The following ANK3 variants were observed in gnomAD, a reference collection of about 807,000 sequenced individuals.
ANK3 encodes ankyrin 3, also known as ankyrin-3.
Under a neutral mutation model 370.9 loss-of-function variants are expected in ANK3, and 57 were observed. The ratio of observed to expected loss-of-function variants is 0.15; its 90% confidence interval spans 0.12 to 0.19. The LOEUF is 0.19. ANK3 is among the 10% of genes least tolerant of loss of function. The pLI is 1.00. For synonymous variants in ANK3, 1,929 were observed against 1,946.3 expected (o/e 0.99, Z 0.23); for missense variants, 4,439 against 5,302.1 (o/e 0.84, Z 5.06).
intron 2 of ANK3, among the ~76,000 whole-genome samples, chr10:60,592,876 C>T (rs577112876): frequency 6.6e-6 from 1 of 152,320 alleles, no homozygotes; most frequent in African/African-American, 2.4e-5. Flanking sequence ...GAGCTGTTGA[C>T]TGGCTAAATA....
At chr10:60,612,877 T>A (rs896366338) in intron 2 of ANK3, among the ~76,000 whole-genome samples, 1 of 152,168 alleles carries the variant, frequency 6.6e-6, no homozygotes, top group African/African-American at 2.4e-5. Flanking sequence ...AGAATTTCAG[T>A]AAAGACAGCA....
At chr10:60,193,487 C>G (rs776994192) in intron 16 of ANK3, among the ~76,000 whole-genome samples, 1 of 142,244 alleles carries the variant, frequency 7.0e-6, no homozygotes, top group Non-Finnish European at 1.5e-5. Flanking sequence ...GAAACCCCAT[C>G]TCTACTAAAA....
intron 8 of ANK3, among the ~76,000 whole-genome samples, chr10:60,226,910 A>G (rs957303139): frequency 4.6e-5 from 7 of 151,146 alleles, no homozygotes; most frequent in African/African-American, 1.7e-4. Context: ...CTCACAATAG[A>G]TTGATATTTT....
At chr10:60,714,719 T>A (rs1334820119) in intron 1 of ANK3, among the ~76,000 whole-genome samples, 1 of 152,164 alleles carries the variant, frequency 6.6e-6, no homozygotes, top group Non-Finnish European at 1.5e-5. Context: ...GAGAACTTCC[T>A]CAACTTGATA....
intron 2 of ANK3, among the ~76,000 whole-genome samples, chr10:60,399,920 G>C (rs1262114591): frequency 6.6e-6 from 1 of 152,072 alleles, no homozygotes; most frequent in Non-Finnish European, 1.5e-5. Flanking sequence ...GCATTACCGA[G>C]TGTCCGTTGC....
intron 2 of ANK3, among the ~76,000 whole-genome samples, chr10:60,481,195 T>TA (rs1360832956): frequency 1.3e-5 from 2 of 152,198 alleles, no homozygotes; most frequent in Non-Finnish European, 2.9e-5. Flanking sequence ...TGTCAAACAG[T>TA]AGCAAGGAGT....
At chr10:60,574,201 A>T (rs1016168875) in intron 2 of ANK3, among the ~76,000 whole-genome samples, 1 of 152,112 alleles carries the variant, frequency 6.6e-6, no homozygotes, top group Non-Finnish European at 1.5e-5. Context: ...CCTACACCTG[A>T]AACACCAGTC....
intron 1 of ANK3, among the ~76,000 whole-genome samples, chr10:60,624,991 G>A (rs866840940): frequency 6.6e-6 from 1 of 151,918 alleles, no homozygotes; most frequent in African/African-American, 2.4e-5. Context: ...CCAATACCCC[G>A]CTTGAGAGGT....
At chr10:60,227,904 G>T (rs1295618292) in intron 8 of ANK3, among the ~76,000 whole-genome samples, 2 of 151,958 alleles carry the variant, frequency 1.3e-5, no homozygotes, top group Non-Finnish European at 2.9e-5. Flanking sequence ...TTGACTGTCG[G>T]TCATATTTTC....
chr10:60,592,003 A>G (rs1218692767), intron 2 of ANK3, among the ~76,000 whole-genome samples: 1 of 152,200 alleles, frequency 6.6e-6, no homozygotes, highest in Non-Finnish European at 1.5e-5. Flanking sequence ...AATAAGACCT[A>G]CTATTTGATA....
chr10:60,225,939 TTAAAA>T (rs1053297128), intron 8 of ANK3, among the ~76,000 whole-genome samples: 1 of 150,024 alleles, frequency 6.7e-6, no homozygotes, highest in Non-Finnish European at 1.5e-5. Context: ...GTTTTATAAA[TTAAAA>T]TGTGTATCTT....
intron 17 of ANK3, among the ~76,000 whole-genome samples, chr10:60,183,156 C>T (rs1236446730): frequency 6.6e-6 from 1 of 152,212 alleles, no homozygotes; most frequent in South Asian, 2.1e-4. Context: ...TGGCCTTTCT[C>T]TCTTCTCGTT....
chr10:60,031,679 C>T (rs1301988275), intron 43 of ANK3, among the ~76,000 whole-genome samples: 1 of 152,102 alleles, frequency 6.6e-6, no homozygotes, highest in Non-Finnish European at 1.5e-5. Context: ...CCCAGGAGTT[C>T]CAGTGACCTT....
intron 2 of ANK3, among the ~76,000 whole-genome samples, chr10:60,453,030 T>C (rs189841026): frequency 1.3e-5 from 2 of 152,352 alleles, no homozygotes; most frequent in Middle Eastern, 3.4e-3. Flanking sequence ...AAGTCCAATT[T>C]GTAGTTTTAA....
At chr10:60,240,135 T>TATATACACATATATATAC (rs1470312879) in intron 7 of ANK3, among the ~76,000 whole-genome samples, 2 of 122,398 alleles carry the variant, frequency 1.6e-5, no homozygotes, top group Non-Finnish European at 3.3e-5. Context: ...TATATATACA[T>TATATACACATATATATAC]ATATATACAC....
At chr10:60,242,100 T>C (rs1309189283) in intron 7 of ANK3, among the ~76,000 whole-genome samples, 3 of 152,328 alleles carry the variant, frequency 2.0e-5, no homozygotes, top group African/African-American at 7.2e-5. Context: ...CTTTCTTCCA[T>C]GAGGATCTCC....
chr10:60,656,430 G>C (rs2083696), intron 1 of ANK3, among the ~76,000 whole-genome samples: 96,084 of 151,762 alleles, frequency 0.63, 30,678 homozygotes, highest in South Asian at 0.76. Context: ...ATTCATCAAT[G>C]CTACTATCTT....
chr10:60,416,147 C>T (rs571621613), intron 2 of ANK3, among the ~76,000 whole-genome samples: 13 of 152,134 alleles, frequency 8.5e-5, no homozygotes, highest in Non-Finnish European at 1.6e-4. Context: ...GGGCCTCAGA[C>T]ACCAATCTTA....
chr10:60,452,638 C>A (rs2064639127), intron 2 of ANK3, among the ~76,000 whole-genome samples: 1 of 152,198 alleles, frequency 6.6e-6, no homozygotes, highest in Admixed American at 6.5e-5. Context: ...AGCTTCCAAA[C>A]TTTATAAAGA....
Sources: gnomAD v4.1 joint callset for allele counts (sites outside exome capture counted in the v4.1 genomes callset) on GRCh38, gnomAD v4.1.1 for gene constraint, MANE v1.5 for transcripts, NCBI Gene and HGNC (gene_info 2026-07-23, HGNC 2026-07-21) for gene names.